CIDEB: variants seen among roughly 807,000 people sequenced by gnomAD.
CIDEB encodes the protein lipid transferase CIDEB.
In CIDEB, 27 loss-of-function variants were observed where a neutral mutation model predicts 22.4. That is an observed-to-expected ratio of 1.21 (90% CI 0.89 to 1.66). CIDEB has a LOEUF of 1.66. Among genes scored for constraint, CIDEB ranks in the 40% most tolerant of loss-of-function variants. CIDEB has a pLI of 0.00. For synonymous variants in CIDEB, 103 were observed against 109.5 expected, an observed-to-expected ratio of 0.94 and a Z score of 0.37; for missense variants, 289 against 268.7, an observed-to-expected ratio of 1.08 and a Z score of -0.53.
At chr14:24,306,575 C>T in intron 2 of CIDEB, 52 bp from the exon 3 acceptor site, 2 of 1,610,336 alleles carry the variant, frequency 1.2e-6, no homozygotes, top group Non-Finnish European at 1.7e-6. Context: ...TGCCCCTTCC[C>T]TCTTTAGCTG....
chr14:24,307,051 C>T lies in CIDEB; in HGVS notation c.186+320G>A. ...GGTTTTGGTAGGTTGAACAACTTCC[C>T]AAGGTTTGACAGGCAGGAAGTGGCA... is the stretch of plus-strand genomic sequence containing the variant. On this transcript the variant is annotated intron_variant, in intron 2 of 4. Coordinates refer to ENST00000554411, the MANE Select transcript of CIDEB (RefSeq NM_001393339.1). The T allele has an allele frequency of 1.4e-5, 4 of 288,178 alleles. No individual in the cohort carries two copies. The South Asian group carries it at 2.1e-4, about 15-fold the overall frequency. The allele number at this position is 288,178 out of a possible 1,614,324, so 17.9% of individuals were successfully genotyped here.
chr14:24,311,052 C>T (rs138224360), upstream of CIDEB: 1,334 of 1,573,568 alleles, frequency 8.5e-4, 14 homozygotes, highest in African/African-American at 0.017. Context: ...CTTCCTGGCG[C>T]CTCGGCTGCG....
chr14:24,310,677 T>C (rs1229955764), upstream of CIDEB: 14 of 1,613,908 alleles, frequency 8.7e-6, no homozygotes, highest in Non-Finnish European at 1.1e-5. Context: ...GTCGGTCTGC[T>C]ACCGTCCCCC....
intron 4 of CIDEB, 85 bp from the exon 5 acceptor site, chr14:24,305,850 A>G: frequency 6.3e-7 from 1 of 1,587,296 alleles, no homozygotes; most frequent in Non-Finnish European, 8.6e-7. Context: ...ACTTTCCACA[A>G]GCAAGAGCTA....
upstream of CIDEB, chr14:24,310,060 G>A (rs2041639768): frequency 1.9e-5 from 3 of 159,450 alleles, no homozygotes; most frequent in South Asian, 5.1e-4. Flanking sequence ...GGACGCCTGG[G>A]TGCGTTGGTG....
At chr14:24,310,379 C>A (rs571629370), upstream of CIDEB, 281 of 613,726 alleles carry the variant, frequency 4.6e-4, no homozygotes, top group Middle Eastern at 8.4e-4. Context: ...TAGTGACAGC[C>A]TGGGGTGATG....
At chr14:24,308,065 C>T, upstream of CIDEB, 1 of 600,218 alleles carries the variant, frequency 1.7e-6, no homozygotes, top group Non-Finnish European at 3.0e-6. Context: ...CAGATGGGGT[C>T]CTGGAGGAAG....
At chr14:24,306,638 T>C in intron 2 of CIDEB, 115 bp from the exon 3 acceptor site, 1 of 1,378,996 alleles carries the variant, frequency 7.3e-7, no homozygotes, top group Non-Finnish European at 1.0e-6. Context: ...ACTTTGACTT[T>C]CCGGCACTTT....
upstream of CIDEB, chr14:24,309,199 C>T (rs962842030): frequency 5.3e-5 from 8 of 152,274 alleles, no homozygotes; most frequent in Non-Finnish European, 8.8e-5. Flanking sequence ...AGGGACTTAA[C>T]ATACTCTTAA....
chr14:24,310,811 G>A (rs764381575), upstream of CIDEB: 19 of 1,596,894 alleles, frequency 1.2e-5, no homozygotes, highest in African/African-American at 2.3e-4. Context: ...CGGGCTGGCG[G>A]CCTGCACGGG....
upstream of CIDEB, chr14:24,309,635 C>T (rs186141064): frequency 6.6e-6 from 1 of 152,364 alleles, no homozygotes; most frequent in East Asian, 1.9e-4. Flanking sequence ...ACCATTATGC[C>T]TCCATGCATC....
intron 1 of CIDEB, 51 bp downstream of exon 1, chr14:24,307,767 C>G (rs749837930): frequency 2.5e-5 from 38 of 1,543,312 alleles, no homozygotes; most frequent in Non-Finnish European, 3.2e-5. Context: ...GTATTGTTGC[C>G]CTGCCTATAT....
intron 2 of CIDEB, 33 bp downstream of exon 2, chr14:24,307,337 CT>C: frequency 6.3e-7 from 1 of 1,596,274 alleles, no homozygotes; most frequent in Non-Finnish European, 8.5e-7. Context: ...TTGGCTACCC[CT>C]GCTATAGGAA....
chr14:24,305,887 C>T (rs1480192129), intron 4 of CIDEB, 60 bp downstream of exon 4: 19 of 1,584,206 alleles, frequency 1.2e-5, no homozygotes, highest in South Asian at 1.0e-4. Flanking sequence ...TGCAAGAGGA[C>T]GAATTATGGG....
At chr14:24,310,001 C>T, upstream of CIDEB, 1 of 157,404 alleles carries the variant, frequency 6.4e-6, no homozygotes, top group Non-Finnish European at 1.4e-5. Context: ...ATCTTACTGC[C>T]CCACTTCAGC....
rs1471555309 is a variant in CIDEB, at chr14:24,306,146, C to T, written c.337-9G>A. 3.1e-6 allele frequency: 5 copies of T among 1,611,252 alleles called. No homozygotes were observed. In the African/African-American group the frequency reaches 4.0e-5, roughly 13 times the overall value. ...TATGACAGCACTCCACTCTGTAGGA[C>T]ACCCTTGTCAGTGCAGTAGATCCTC... On this transcript the variant is annotated splice_polypyrimidine_tract_variant and intron_variant, in intron 3 of 4. Transcript: ENST00000554411.
chr14:24,306,811 A>T (rs1284686564), intron 2 of CIDEB: 1 of 463,254 alleles, frequency 2.2e-6, no homozygotes, highest in Non-Finnish European at 4.0e-6. Context: ...CCAGGTTCTC[A>T]CGAAGTCCAC....
chr14:24,307,739 T>C, intron 1 of CIDEB, 79 bp downstream of exon 1: 1 of 1,459,168 alleles, frequency 6.9e-7, no homozygotes, highest in East Asian at 2.4e-5. Context: ...CTGGTTAGTC[T>C]CCTAGGGGCT....
Position 24,307,407 on chromosome 14 carries a change from G to T in CIDEB, c.150C>A (p.Gly50=), listed in dbSNP as rs2041546121. 6.2e-7 allele frequency: 1 copy of T among 1,613,810 alleles called. No homozygotes were observed. Among genetic ancestry groups the T allele is most frequent in the African/African-American group, 1.3e-5 (1 of 74,868 alleles). ...GCTCCTGGCGGGTGGCAGCTGTCAG[G>T]CCTTTCCGGATGGTCCGCTTGTGAT... ...VCDHKRTIRK[G]LTAATRQELL... is the part of the protein sequence containing the mutation. Residue 50 remains glycine (G), a synonymous_variant, in exon 2 of 5, where the codon GGC becomes GGA. Coordinates refer to ENST00000554411, the MANE Select transcript of CIDEB (RefSeq NM_001393339.1).
Sources: allele counts gnomAD v4.1 joint callset, GRCh38; gene constraint gnomAD v4.1.1; transcripts MANE v1.5; gene names NCBI Gene and HGNC (gene_info 2026-07-23, HGNC 2026-07-21).